The following HBB variants were observed in gnomAD, a reference collection of about 807,000 sequenced individuals.
HBB encodes Hb Monza protein.
HBB carries 18 observed loss-of-function variants against 9.7 expected under a neutral mutation model. The observed-to-expected ratio is 1.86, with a 90% CI of 1.28 to 2.76. HBB has a LOEUF of 2.76. Ranked by LOEUF, HBB falls within the 30% of genes most tolerant of loss-of-function variation. The pLI is 0.00. For missense variants in HBB, 156 were observed against 177.0 expected (o/e 0.88, Z 0.67); for synonymous variants, 99 against 73.6 (o/e 1.35, Z -1.77).
In HBB at chr11:5,226,419, T is replaced by A. The variant is rs948460713; in HGVS notation, c.315+158A>T. ...GAAAACAATTGTTATGAACAGCAAA[T>A]AAAAGAAACTAAAACGATCCTGAGA... On this transcript the variant is annotated intron_variant, in intron 2 of 2. Coordinates refer to ENST00000335295, the MANE Select transcript of HBB (RefSeq NM_000518.5). The A allele has an allele frequency of 1.3e-5, 9 of 704,650 alleles. No homozygotes were observed. In the African/African-American group the frequency reaches 1.6e-4, roughly 13 times the overall value. 43.6% of individuals were successfully genotyped at this position (704,650 alleles called of 1,614,324 possible). A position where few individuals can be genotyped will look rare whatever the true frequency, so the allele number is the denominator to read the frequency against.
rs33978907 is a variant in HBB, at chr11:5,225,488, A to G, written c.*110T>C. The G allele has an allele frequency of 1.8e-5, 18 of 1,014,924 alleles. No individual in the cohort carries two copies. Among genetic ancestry groups the G allele is most frequent in the African/African-American group, 1.6e-4 (10 of 63,208 alleles). The allele number at this position is 1,014,924 out of a possible 1,614,324, so 62.9% of individuals were successfully genotyped here. Reference sequence around the variant, plus strand: ...ATTGCAATGAAAATAAATGTTTTTTATTAGGCAGAATCCAGATGCTCAAGG... The same window carrying G: ...ATTGCAATGAAAATAAATGTTTTTTGTTAGGCAGAATCCAGATGCTCAAGG... On this transcript the variant is annotated 3_prime_UTR_variant, in exon 3 of 3. Transcript: ENST00000335295.
At chr11:5,225,841 T>A in intron 2 of HBB, 115 bp from the exon 3 acceptor site, 2 of 970,850 alleles carry the variant, frequency 2.1e-6, no homozygotes, top group Non-Finnish European at 3.3e-6. Flanking sequence ...AGCTGGATTG[T>A]AGCTGCTATT....
rs35662066 is a variant in HBB, at chr11:5,226,970, TG to T, written c.51del (p.Lys18ArgfsTer2). The T allele has an allele frequency of 1.4e-5, 23 of 1,614,014 alleles. 1 individual carries two copies. In the South Asian group the frequency reaches 2.3e-4, roughly 16 times the overall value. The stretch of plus-strand genomic sequence containing the variant: ...CCACCAACTTCATCCACGTTCACCT[TG>T]CCCCACAGGGCAGTAACGGCAGACT... ...EEKSAVTALW[G>X]KVNVDEVGGE... On this transcript the variant is annotated frameshift_variant, in exon 1 of 3. Coordinates refer to ENST00000335295, the MANE Select transcript of HBB (RefSeq NM_000518.5). LOFTEE classifies it high-confidence loss of function.
rs1461234906 is a variant in HBB at position 5,225,986 on chromosome 11, A to T, written c.316-260T>A. 2.0e-5 allele frequency among the ~76,000 whole-genome samples: 3 copies of T among 152,202 alleles called. No individual in the cohort carries two copies. The highest frequency in any genetic ancestry group is 2.9e-5 in the Non-Finnish European group (2 of 68,030). ...GGTGCAAAGAGGCATGATACATTGT[A>T]TCATTATTGCCCTGAAAGAAAGAGA... is the stretch of plus-strand genomic sequence containing the variant. On this transcript the variant is annotated intron_variant, in intron 2 of 2. Coordinates refer to ENST00000335295, the MANE Select transcript of HBB (RefSeq NM_000518.5).
intron 2 of HBB, chr11:5,226,262 T>C: frequency 1.9e-6 from 1 of 524,414 alleles, no homozygotes; most frequent in Non-Finnish European, 3.4e-6. Context: ...AGGCAGACTG[T>C]GTAAAGTTTT....
chr11:5,226,036 TA>T (rs1847539067), intron 2 of HBB, among the ~76,000 whole-genome samples: 1 of 151,908 alleles, frequency 6.6e-6, no homozygotes, highest in African/African-American at 2.4e-5. Context: ...AGAAATAAGA[TA>T]AACAAAAAAG....
In HBB at chr11:5,226,956, A is replaced by G. The variant is rs373362317; in HGVS notation, c.66T>C (p.Asp22=). ...TGCCCAGGGCCTCACCACCAACTTC[A>G]TCCACGTTCACCTTGCCCCACAGGG... is the stretch of plus-strand genomic sequence containing the variant. ...VTALWGKVNV[D]EVGGEALGRL... is the part of the protein sequence containing the mutation. The change falls in exon 1 of 3, where the codon GAT becomes GAC. Residue 22 remains aspartate (D), a synonymous_variant. Coordinates refer to ENST00000335295, the MANE Select transcript of HBB (RefSeq NM_000518.5). The G allele has an allele frequency of 6.2e-7, 1 of 1,613,646 alleles. No homozygotes were observed. The highest frequency in any genetic ancestry group is 8.5e-7 in the Non-Finnish European group (1 of 1,179,686).
chr11:5,226,563 T>C lies in HBB; in HGVS notation c.315+14A>G. 1 of 1,611,248 alleles carries C rather than the reference T, an allele frequency of 6.2e-7. No individual in the cohort carries two copies. Among genetic ancestry groups the C allele is most frequent in the South Asian group, 1.1e-5 (1 of 91,014 alleles). ...AGAAGGGGAAAGAAAACATCAAGCGTCCCATAGACTCACCCTGAAGTTCTC... is the reference window on the plus strand; with the variant it reads ...AGAAGGGGAAAGAAAACATCAAGCGCCCCATAGACTCACCCTGAAGTTCTC... On this transcript the variant is annotated intron_variant, in intron 2 of 2. Transcript: ENST00000335295.
In HBB at chr11:5,226,514, A is replaced by C. The variant is rs1375672361; in HGVS notation, c.315+63T>G. The C allele has an allele frequency of 6.9e-7, 1 of 1,457,868 alleles. No homozygotes were observed. Among genetic ancestry groups the C allele is most frequent in the African/African-American group, 1.4e-5 (1 of 71,858 alleles). 90.3% of individuals were successfully genotyped at this position (1,457,868 alleles called of 1,614,324 possible). ...GTACCCTGTTACTTATCCCCTTCCTATGACATGAACTTAACCATAGAAAAG... is the reference window on the plus strand; with the variant it reads ...GTACCCTGTTACTTATCCCCTTCCTCTGACATGAACTTAACCATAGAAAAG... On this transcript the variant is annotated intron_variant, in intron 2 of 2. Transcript: ENST00000335295.
At position 5,225,580 on chromosome 11, in the gene HBB, G is replaced by T. The variant is rs1348310843; in HGVS notation, c.*18C>A. 3.7e-6 allele frequency: 6 copies of T among 1,613,808 alleles called. No individual in the cohort carries two copies. The East Asian group carries it at 1.3e-4, about 36-fold the overall frequency. ...ACAAAGGAACCTTTAATAGAAATTGGACAGCAAGAAAGCGAGCTTAGTGAT... is the reference window on the plus strand; with the variant it reads ...ACAAAGGAACCTTTAATAGAAATTGTACAGCAAGAAAGCGAGCTTAGTGAT... On this transcript the variant is annotated 3_prime_UTR_variant, in exon 3 of 3. Transcript: ENST00000335295.
chr11:5,226,699 C>T lies in HBB; in HGVS notation c.193G>A (p.Gly65Ser). 6.2e-7 allele frequency: 1 copy of T among 1,614,108 alleles called. No individual in the cohort carries two copies. The highest frequency in any genetic ancestry group is 8.5e-7 in the Non-Finnish European group (1 of 1,180,010). ...VMGNPKVKAH[G>S]KKVLGAFSDG... ...CTAAAGGCACCGAGCACTTTCTTGC[C>T]ATGAGCCTTCACCTTAGGGTTGCCC... is the stretch of plus-strand genomic sequence containing the variant. Residue 65 changes from glycine (G) to serine (S), a missense_variant, in exon 2 of 3, where the codon GGC becomes AGC. Coordinates refer to ENST00000335295, the MANE Select transcript of HBB (RefSeq NM_000518.5).
chr11:5,225,556 C>T lies in HBB; in HGVS notation c.*42G>A. The stretch of plus-strand genomic sequence containing the variant: ...CAGTTTAGTAGTTGGACTTAGGGAA[C>T]AAAGGAACCTTTAATAGAAATTGGA... On this transcript the variant is annotated 3_prime_UTR_variant, in exon 3 of 3. Transcript: ENST00000335295. The T allele has an allele frequency of 6.2e-7, 1 of 1,610,494 alleles. No homozygotes were observed. Among genetic ancestry groups the T allele is most frequent in the Non-Finnish European group, 8.5e-7 (1 of 1,176,782 alleles).
chr11:5,226,438 C>G lies in HBB; in HGVS notation c.315+139G>C, dbSNP rs1589892116. On this transcript the variant is annotated intron_variant, in intron 2 of 2. Coordinates refer to ENST00000335295, the MANE Select transcript of HBB (RefSeq NM_000518.5). ...AGCAAATAAAAGAAACTAAAACGAT[C>G]CTGAGACTTCCACACTGATGCAATC... 3 of 781,506 alleles carry G rather than the reference C, an allele frequency of 3.8e-6. No individual in the cohort carries two copies. The highest frequency in any genetic ancestry group is 6.5e-6 in the Non-Finnish European group (3 of 458,148). The allele number at this position is 781,506 out of a possible 1,614,324, so 48.4% of individuals were successfully genotyped here.
At chr11:5,226,114 T>C in intron 2 of HBB, 2 of 312,320 alleles carry the variant, frequency 6.4e-6, no homozygotes, top group South Asian at 3.5e-5. Context: ...GGTCAATATG[T>C]GTACACATAT....
rs769673434 is a variant in HBB at position 5,225,769 on chromosome 11, G to A, written c.316-43C>T. ...GAGGTATGAACATGATTAGCAAAAG[G>A]GCCTAGCTTGGACTCAGAATAATCC... is the stretch of plus-strand genomic sequence containing the variant. On this transcript the variant is annotated intron_variant, in intron 2 of 2. Coordinates refer to ENST00000335295, the MANE Select transcript of HBB (RefSeq NM_000518.5). 6.2e-7 allele frequency: 1 copy of A among 1,609,502 alleles called. No homozygotes were observed. The highest frequency in any genetic ancestry group is 8.5e-7 in the Non-Finnish European group (1 of 1,175,960).
In HBB at chr11:5,225,871, C is replaced by G. The variant is rs1005042281; in HGVS notation, c.316-145G>C. 2 of 758,330 alleles carry G rather than the reference C, an allele frequency of 2.6e-6. No individual in the cohort carries two copies. The highest frequency in any genetic ancestry group is 4.5e-6 in the Non-Finnish European group (2 of 442,206). 47.0% of individuals were successfully genotyped at this position (758,330 alleles called of 1,614,324 possible). A position where few individuals can be genotyped will look rare whatever the true frequency, so the allele number is the denominator to read the frequency against. On this transcript the variant is annotated intron_variant, in intron 2 of 2. Transcript: ENST00000335295. ...GCTATTAGCAATATGAAACCTCTTA[C>G]ATCAGTTACAATTTATATGCAGAAA...
At position 5,226,240 on chromosome 11, in the gene HBB, T is replaced by C. The variant is rs561258571; in HGVS notation, c.315+337A>G. ...CAAATAAGCACACATATATTCCAAA[T>C]AGTAATGTACTAGGCAGACTGTGTA... On this transcript the variant is annotated intron_variant, in intron 2 of 2. Transcript: ENST00000335295. The C allele has an allele frequency of 2.7e-5, 12 of 448,314 alleles. No individual in the cohort carries two copies. The East Asian group carries it at 4.4e-4, about 16-fold the overall frequency. 27.8% of individuals were successfully genotyped at this position (448,314 alleles called of 1,614,324 possible).
Position 5,226,880 on chromosome 11 carries a change from C to T in HBB, c.92+50G>A, listed in dbSNP as rs377447760. On this transcript the variant is annotated intron_variant, in intron 1 of 2. Transcript: ENST00000335295. ...CAAGAGTCTTCTCTGTCTCCACATG[C>T]CCAGTTTCTATTGGTCTCCTTAAAC... is the stretch of plus-strand genomic sequence containing the variant. 6.9e-6 allele frequency: 11 copies of T among 1,589,540 alleles called. No homozygotes were observed. The Middle Eastern group carries it at 5.0e-4, about 72-fold the overall frequency.
In HBB at chr11:5,225,637, C is replaced by T; in HGVS notation, c.405G>A (p.Val135=). 6.2e-7 allele frequency: 1 copy of T among 1,614,072 alleles called. No homozygotes were observed. Residue 135 remains valine, a synonymous_variant, in exon 3 of 3, where the codon GTG becomes GTA. Transcript: ENST00000335295. ...GGGCCAGGGCATTAGCCACACCAGC[C>T]ACCACTTTCTGATAGGCAGCCTGCA... ...PPVQAAYQKV[V]AGVANALAHK...
Sources: allele counts gnomAD v4.1 joint callset (sites outside exome capture counted in the v4.1 genomes callset), GRCh38; gene constraint gnomAD v4.1.1; transcripts MANE v1.5; gene names NCBI Gene and HGNC (gene_info 2026-07-23, HGNC 2026-07-21).